Variants in CXCL12 observed in about 807,000 individuals in gnomAD.
CXCL12 encodes the protein stromal cell-derived factor 1.
CXCL12 carries 4 observed loss-of-function variants against 10.7 expected under a neutral mutation model. That is an observed-to-expected ratio of 0.37 (90% CI 0.18 to 0.86). CXCL12 has a LOEUF of 0.86. Among genes scored for constraint, CXCL12 ranks in the 40% least tolerant of loss-of-function variants. The probability of loss-of-function intolerance (pLI) is 0.43; values close to 1 mark genes in which losing one functional copy is unlikely to be tolerated. For missense variants in CXCL12, 122 were observed against 110.4 expected (o/e 1.10, Z -0.47); for synonymous variants, 54 against 45.4 (o/e 1.19, Z -0.77).
chr10:44,375,537 G>A (rs779718666), downstream of CXCL12, among the ~76,000 whole-genome samples: 8 of 152,248 alleles, frequency 5.3e-5, no homozygotes, highest in Non-Finnish European at 1.0e-4. Flanking sequence ...GGTCTCCACA[G>A]GAATGCAGAC....
At chr10:44,372,599 T>G, downstream of CXCL12, 1 of 1,264,948 alleles carries the variant, frequency 7.9e-7, no homozygotes, top group Non-Finnish European at 1.0e-6. Context: ...TGGTGCACAG[T>G]TTACATGAAA....
At chr10:44,383,760 G>A (rs943703839) in intron 1 of CXCL12, among the ~76,000 whole-genome samples, 5 of 152,142 alleles carry the variant, frequency 3.3e-5, no homozygotes, top group Non-Finnish European at 7.3e-5. Context: ...ACTCAGCTGC[G>A]CTGGTCCTGC....
chr10:44,378,221 A>T lies in CXCL12; in HGVS notation c.*412T>A, dbSNP rs1839517187. ...TGACTGTGCCCAGACTCCCCAGGGG[A>T]GCAGAGGAGATGCTCCAAACAAGCC... On this transcript the variant is annotated 3_prime_UTR_variant, in exon 3 of 3. Transcript: ENST00000343575. The T allele has an allele frequency of 1.4e-6, 2 of 1,452,598 alleles. No homozygotes were observed. Among genetic ancestry groups the T allele is most frequent in the Middle Eastern group, 3.6e-4 (2 of 5,542 alleles). The allele number at this position is 1,452,598 out of a possible 1,614,324, so 90.0% of individuals were successfully genotyped here.
downstream of CXCL12, among the ~76,000 whole-genome samples, chr10:44,374,904 C>T (rs1033256561): frequency 6.6e-5 from 10 of 152,272 alleles, no homozygotes; most frequent in Admixed American, 1.3e-4. Flanking sequence ...TCCTCCCGGT[C>T]CAGATTAGAG....
At chr10:44,381,980 T>C (rs796176247) in intron 1 of CXCL12, among the ~76,000 whole-genome samples, 2 of 152,332 alleles carry the variant, frequency 1.3e-5, no homozygotes, top group African/African-American at 2.4e-5. Flanking sequence ...GGAGGAAATC[T>C]TGAGTAAGGG....
chr10:44,382,078 T>G (rs544830734), intron 1 of CXCL12, among the ~76,000 whole-genome samples: 1 of 152,280 alleles, frequency 6.6e-6, no homozygotes, highest in South Asian at 2.1e-4. Flanking sequence ...AGCCACCAAG[T>G]TGCAGGAAAA....
chr10:44,375,698 C>G (rs999644598), downstream of CXCL12, among the ~76,000 whole-genome samples: 2 of 152,236 alleles, frequency 1.3e-5, no homozygotes, highest in African/African-American at 4.8e-5. Context: ...CTCCGCGTCA[C>G]AGACCCCCGC....
rs766509623 is a variant in CXCL12 at position 44,377,740 on chromosome 10, G to A, written c.*893C>T. The stretch of plus-strand genomic sequence containing the variant: ...AAGACTTGTCTTTTGCGGGTAAGCA[G>A]GGGGACCATTACACATCCCCAGGAG... On this transcript the variant is annotated 3_prime_UTR_variant, in exon 3 of 3. Transcript: ENST00000343575. The A allele has an allele frequency of 6.3e-7, 1 of 1,598,324 alleles. No homozygotes were observed.
At chr10:44,375,287 C>A (rs368218931), downstream of CXCL12, among the ~76,000 whole-genome samples, 1 of 152,220 alleles carries the variant, frequency 6.6e-6, no homozygotes, top group South Asian at 2.1e-4. Context: ...GAAACCCACC[C>A]GGGCTTGGGG....
At position 44,385,024 on chromosome 10, in the gene CXCL12, G is replaced by T; in HGVS notation, c.-19C>A. 7.5e-6 allele frequency: 5 copies of T among 662,700 alleles called. No homozygotes were observed. The highest frequency in any genetic ancestry group is 1.2e-5 in the Non-Finnish European group (5 of 423,914). The allele number at this position is 662,700 out of a possible 1,614,324, so 41.1% of individuals were successfully genotyped here. A position where few individuals can be genotyped will look rare whatever the true frequency, so the allele number is the denominator to read the frequency against. On this transcript the variant is annotated 5_prime_UTR_variant, in exon 1 of 3. Coordinates refer to ENST00000343575, the MANE Select transcript of CXCL12 (RefSeq NM_199168.4). The stretch of plus-strand genomic sequence containing the variant: ...CGTTCATGGCGCGGGCGGGCGGGCG[G>T]GCGGGCGGACGAGCGCGGGTCGGGG...
In CXCL12 at chr10:44,377,583, T is replaced by G. The variant is rs1056440640; in HGVS notation, c.*1050A>C. On this transcript the variant is annotated 3_prime_UTR_variant, in exon 3 of 3. Coordinates refer to ENST00000343575, the MANE Select transcript of CXCL12 (RefSeq NM_199168.4). ...GGCAAGATGATGGTTTATTCACTGA[T>G]TTTTTCGCTTCTGATTTCGGAAACC... 3 of 1,480,172 alleles carry G rather than the reference T, an allele frequency of 2.0e-6. No individual in the cohort carries two copies. Among genetic ancestry groups the G allele is most frequent in the Admixed American group, 4.5e-5 (2 of 44,544 alleles). 91.7% of individuals were successfully genotyped at this position (1,480,172 alleles called of 1,614,324 possible). A position where few individuals can be genotyped will look rare whatever the true frequency, so the allele number is the denominator to read the frequency against.
rs1839502447 is a variant in CXCL12, at chr10:44,377,819, G to A, written c.*814C>T. 1 of 1,597,230 alleles carries A rather than the reference G, an allele frequency of 6.3e-7. No individual in the cohort carries two copies. The highest frequency in any genetic ancestry group is 2.2e-5 in the East Asian group (1 of 44,854). On this transcript the variant is annotated 3_prime_UTR_variant, in exon 3 of 3. Transcript: ENST00000343575. ...AAGACGGATCTCACAGAGGGCCCGA[G>A]CTGTGGGGCAGGCCCTGGGAGGAGA...
intron 2 of CXCL12, among the ~76,000 whole-genome samples, chr10:44,379,777 T>C (rs1038276211): frequency 5.9e-5 from 9 of 152,348 alleles, no homozygotes; most frequent in African/African-American, 1.9e-4. Context: ...TGAGCATCTT[T>C]AAAATACTCT....
At chr10:44,372,856 C>A, downstream of CXCL12, 1 of 1,524,994 alleles carries the variant, frequency 6.6e-7, no homozygotes, top group Non-Finnish European at 8.8e-7. Context: ...ATGTGGCCCT[C>A]CACCATCCCA....
downstream of CXCL12, among the ~76,000 whole-genome samples, chr10:44,373,514 A>G (rs2132036894): frequency 6.6e-6 from 1 of 152,296 alleles, no homozygotes; most frequent in South Asian, 2.1e-4. Flanking sequence ...ACGGGAGGGG[A>G]GTGCGAGACG....
downstream of CXCL12, chr10:44,371,494 T>C (rs1199226805): frequency 8.4e-6 from 2 of 236,706 alleles, no homozygotes; most frequent in Non-Finnish European, 1.7e-5. Context: ...TCTTTATAAC[T>C]AGTAAAGATC....
chr10:44,372,087 G>A (rs1395973374), downstream of CXCL12: 1 of 152,314 alleles, frequency 6.6e-6, no homozygotes, highest in Admixed American at 6.5e-5. Context: ...GCCAAATGGT[G>A]AAGAAGATGA....
exon 4 of CXCL12, chr10:44,370,330 T>C (rs1426860350): frequency 6.6e-6 from 1 of 152,652 alleles, no homozygotes; most frequent in East Asian, 1.9e-4. Context: ...CATTTTCACA[T>C]TATCTGGGAG....
chr10:44,371,594 C>T (rs190754137), downstream of CXCL12: 2 of 175,388 alleles, frequency 1.1e-5, no homozygotes, highest in Admixed American at 6.4e-5. Flanking sequence ...GGTTTGCCTT[C>T]TGCCATGAAG....
Sources: gnomAD v4.1 joint callset for allele counts (sites outside exome capture counted in the v4.1 genomes callset) on GRCh38, gnomAD v4.1.1 for gene constraint, MANE v1.5 for transcripts, NCBI Gene and HGNC (gene_info 2026-07-23, HGNC 2026-07-21) for gene names.